MAST4: variants seen among roughly 807,000 people sequenced by gnomAD.
The protein encoded by MAST4 is microtubule-associated serine/threonine-protein kinase 4.
MAST4 carries 89 observed loss-of-function variants against 162.7 expected under a neutral mutation model. The observed-to-expected ratio is 0.55, with a 90% CI of 0.46 to 0.65. The LOEUF (loss-of-function observed/expected upper bound fraction) is 0.65, where lower values mean the gene tolerates loss of function less well. MAST4 is among the 30% of genes least tolerant of loss of function. The probability of loss-of-function intolerance (pLI) is 0.00; values close to 1 mark genes in which losing one functional copy is unlikely to be tolerated. For synonymous variants in MAST4, 1,479 were observed against 1,361.1 expected (o/e 1.09, Z -1.91); for missense variants, 3,153 against 3,374.0 (o/e 0.93, Z 1.62).
intron 4 of MAST4, among the ~76,000 whole-genome samples, chr5:66,906,740 G>C (rs1163053458): frequency 6.6e-6 from 1 of 152,206 alleles, no homozygotes; most frequent in Non-Finnish European, 1.5e-5. Context: ...CTAGCAGAAA[G>C]TTGAGCAGGT....
At chr5:66,936,935 C>T (rs548717474) in intron 4 of MAST4, among the ~76,000 whole-genome samples, 1 of 152,178 alleles carries the variant, frequency 6.6e-6, no homozygotes, top group African/African-American at 2.4e-5. Flanking sequence ...TCAGCCCTTT[C>T]TCCTGGATGC....
chr5:66,720,016 C>T (rs540635621), intron 1 of MAST4, among the ~76,000 whole-genome samples: 63 of 152,212 alleles, frequency 4.1e-4, no homozygotes, highest in Non-Finnish European at 7.4e-4. Flanking sequence ...AATAGTAATA[C>T]CATTAATACT....
rs139797661 is a variant in MAST4 at position 66,853,133 on chromosome 5, A to C, written c.643-46818A>C. On this transcript the variant is annotated intron_variant, in intron 3 of 28. Transcript: ENST00000403625. ...TAGAGTCAAGTTATTGCTTCTAATG[A>C]AAGTGAACTTTTGTTCAAGTCATGT... 6.2e-3 allele frequency among the ~76,000 whole-genome samples: 937 copies of C among 152,320 alleles called. 8 individuals carry two copies. The highest frequency in any genetic ancestry group is 0.021 in the African/African-American group (867 of 41,570).
At chr5:67,069,309 TATAA>T (rs1248526647) in intron 5 of MAST4, among the ~76,000 whole-genome samples, 6 of 143,404 alleles carry the variant, frequency 4.2e-5, no homozygotes, top group Non-Finnish European at 6.1e-5. Context: ...TATATATATA[TATAA>T]AATTTTAAAA....
At chr5:67,121,707 A>G (rs1767622279) in intron 14 of MAST4, among the ~76,000 whole-genome samples, 1 of 151,940 alleles carries the variant, frequency 6.6e-6, no homozygotes, top group East Asian at 1.9e-4. Context: ...AAAACTCATA[A>G]TATTTTCAGC....
At chr5:66,892,418 A>G (rs200584617) in intron 3 of MAST4, among the ~76,000 whole-genome samples, 1 of 151,908 alleles carries the variant, frequency 6.6e-6, no homozygotes, top group South Asian at 2.1e-4. Flanking sequence ...CTGGCACAGC[A>G]CCAGCCATAT....
chr5:67,048,539 T>C (rs191156276), intron 4 of MAST4, among the ~76,000 whole-genome samples: 2 of 152,226 alleles, frequency 1.3e-5, no homozygotes, highest in African/African-American at 4.8e-5. Context: ...ATCAGACATA[T>C]ATGAATAGAT....
At chr5:66,702,321 T>C (rs1332622083) in intron 1 of MAST4, among the ~76,000 whole-genome samples, 1 of 152,166 alleles carries the variant, frequency 6.6e-6, no homozygotes, top group Non-Finnish European at 1.5e-5. Context: ...ACGGGCAGGC[T>C]CCATTCCAGG....
chr5:66,878,814 C>T (rs2149897254), intron 3 of MAST4, among the ~76,000 whole-genome samples: 1 of 152,316 alleles, frequency 6.6e-6, no homozygotes, highest in South Asian at 2.1e-4. Flanking sequence ...CCTTATGGTT[C>T]CTAGCCCAGT....
chr5:67,096,638 T>A (rs961455888), intron 7 of MAST4, among the ~76,000 whole-genome samples: 1 of 152,202 alleles, frequency 6.6e-6, no homozygotes, highest in East Asian at 1.9e-4. Context: ...TGGTATCACC[T>A]CTGCCTTATA....
intron 1 of MAST4, among the ~76,000 whole-genome samples, chr5:66,726,154 C>T (rs1365138402): frequency 6.6e-6 from 1 of 151,774 alleles, no homozygotes; most frequent in Non-Finnish European, 1.5e-5. Flanking sequence ...GAAAATTTAG[C>T]TAAGGTGGTC....
chr5:67,077,703 CAATT>C lies in MAST4; in HGVS notation c.764-12458_764-12455del, dbSNP rs1437437599. Among the ~76,000 whole-genome samples, 3 of 152,342 alleles carry C rather than the reference CAATT, an allele frequency of 2.0e-5. No individual in the cohort carries two copies. In the South Asian group the frequency reaches 6.2e-4, roughly 32 times the overall value. On this transcript the variant is annotated intron_variant, in intron 5 of 28. Coordinates refer to ENST00000403625, the MANE Select transcript of MAST4 (RefSeq NM_001164664.2). ...TTCAAGCCAATAAATTGTCCTGAATCAATTGATTAGCCATTTGGAAAAGCGGTAA... is the reference window on the plus strand; with the variant it reads ...TTCAAGCCAATAAATTGTCCTGAATCGATTAGCCATTTGGAAAAGCGGTAA...
chr5:67,104,127 A>G (rs1197703189), intron 9 of MAST4, among the ~76,000 whole-genome samples: 1 of 152,226 alleles, frequency 6.6e-6, no homozygotes, highest in Non-Finnish European at 1.5e-5. Flanking sequence ...AATGCCCCCA[A>G]CATGCATTAG....
intron 4 of MAST4, among the ~76,000 whole-genome samples, chr5:66,901,161 T>C (rs1176989121): frequency 1.3e-5 from 2 of 152,146 alleles, no homozygotes; most frequent in Non-Finnish European, 2.9e-5. Flanking sequence ...AATAGAAAAC[T>C]ACATGAAATA....
chr5:66,654,580 T>C lies in MAST4; in HGVS notation c.363+57562T>C, dbSNP rs192201607. ...TAGGAGAAAATTAAAGATTTAACTG[T>C]TGAAGTTTCTTTTGAATACAAATTA... On this transcript the variant is annotated intron_variant, in intron 1 of 28. Coordinates refer to ENST00000403625, the MANE Select transcript of MAST4 (RefSeq NM_001164664.2). Among the ~76,000 whole-genome samples, 432 of 152,336 alleles carry C rather than the reference T, an allele frequency of 2.8e-3. 4 individuals are homozygous for C. Among genetic ancestry groups the C allele is most frequent in the Non-Finnish European group, 3.1e-3 (210 of 68,022 alleles).
chr5:66,681,253 A>G (rs779287720), intron 1 of MAST4, among the ~76,000 whole-genome samples: 1 of 152,246 alleles, frequency 6.6e-6, no homozygotes, highest in Non-Finnish European at 1.5e-5. Context: ...AAAAAGACCC[A>G]GAAATATTAA....
intron 1 of MAST4, among the ~76,000 whole-genome samples, chr5:66,744,077 C>T (rs1370314962): frequency 1.3e-5 from 2 of 151,998 alleles, no homozygotes; most frequent in East Asian, 3.9e-4. Flanking sequence ...TTTACCATTC[C>T]CTTCATGTTT....
intron 3 of MAST4, among the ~76,000 whole-genome samples, chr5:66,811,857 A>G (rs575170017): frequency 3.9e-4 from 60 of 152,342 alleles, no homozygotes; most frequent in African/African-American, 1.4e-3. Flanking sequence ...TTTAAAAGAT[A>G]GTTGCAAATG....
At chr5:66,837,864 T>TTATATATATA (rs1209782576) in intron 3 of MAST4, among the ~76,000 whole-genome samples, 26 of 82,692 alleles carry the variant, frequency 3.1e-4, no homozygotes, top group East Asian at 1.6e-3. Context: ...AGACTTGATT[T>TTATATATATA]TATATATATA....
Sources: allele counts gnomAD v4.1 joint callset (sites outside exome capture counted in the v4.1 genomes callset), GRCh38; gene constraint gnomAD v4.1.1; transcripts MANE v1.5; gene names NCBI Gene and HGNC (gene_info 2026-07-23, HGNC 2026-07-21).